Variants in GPD2 observed in about 807,000 individuals in gnomAD.
GPD2 encodes the protein glycerol-3-phosphate dehydrogenase, mitochondrial.
Under a neutral mutation model 82.4 loss-of-function variants are expected in GPD2, and 54 were observed. That is an observed-to-expected ratio of 0.66 (90% CI 0.53 to 0.82). The LOEUF (loss-of-function observed/expected upper bound fraction) is 0.82, where lower values mean the gene tolerates loss of function less well. Among genes scored for constraint, GPD2 ranks in the 40% least tolerant of loss-of-function variants. The pLI is 0.00. For missense variants in GPD2, 748 were observed against 896.2 expected, an observed-to-expected ratio of 0.83 and a Z score of 2.11; for synonymous variants, 288 against 306.1, an observed-to-expected ratio of 0.94 and a Z score of 0.62.
At chr2:156,494,638 G>T (rs565005194) in intron 2 of GPD2, among the ~76,000 whole-genome samples, 2 of 152,124 alleles carry the variant, frequency 1.3e-5, no homozygotes, top group African/African-American at 4.8e-5. Context: ...TCTTGGTAAC[G>T]CCTGAGATTA....
At chr2:156,484,555 G>C (rs1467446593) in intron 2 of GPD2, among the ~76,000 whole-genome samples, 1 of 151,904 alleles carries the variant, frequency 6.6e-6, no homozygotes. Context: ...TTCTTTCCTT[G>C]ATGGCCAGTT....
chr2:156,531,259 T>G (rs1451822786), intron 6 of GPD2, among the ~76,000 whole-genome samples: 2 of 152,088 alleles, frequency 1.3e-5, no homozygotes, highest in Non-Finnish European at 1.5e-5. Context: ...ATCCACAGAT[T>G]GGTGTTAGTG....
At chr2:156,579,233 T>C (rs1687938864) in intron 15 of GPD2, 69 bp downstream of exon 15, 1 of 850,960 alleles carries the variant, frequency 1.2e-6, no homozygotes, top group Admixed American at 1.8e-5. Flanking sequence ...GTTTTTCTCA[T>C]CTAGGGTTTT....
At chr2:156,534,824 C>G (rs1686001725) in intron 6 of GPD2, among the ~76,000 whole-genome samples, 2 of 149,938 alleles carry the variant, frequency 1.3e-5, no homozygotes, top group Admixed American at 1.3e-4. Flanking sequence ...AAAAAAAAAA[C>G]TCTAACAGAG....
chr2:156,405,961 T>A, the GPD2 span, among the ~76,000 whole-genome samples: 1 of 152,078 alleles, frequency 6.6e-6, no homozygotes, highest in Non-Finnish European at 1.5e-5. Context: ...CATAGAAAAG[T>A]GGCCAGGCTT....
Position 156,569,435 on chromosome 2 carries a change from A to G in GPD2, c.1373A>G (p.Lys458Arg). The G allele has an allele frequency of 6.2e-7, 1 of 1,610,712 alleles. No homozygotes were observed. Among genetic ancestry groups the G allele is most frequent in the Non-Finnish European group, 8.5e-7 (1 of 1,177,042 alleles). The stretch of plus-strand genomic sequence containing the variant: ...GCTGCTGTCAAAACTCATAATTTAA[A>G]AGCAGGACCAAGTAGAACAGTTGGG... ...INAAVKTHNL[K>R]AGPSRTVGLF... is the part of the protein sequence containing the mutation. Residue 458 changes from lysine to arginine, a missense_variant, in exon 11 of 17, where the codon AAA becomes AGA. Around this residue, in one of 3 missense-constraint regions of GPD2, gnomAD observed 692 missense variants for 809.7 expected, o/e 0.85. Coordinates refer to ENST00000438166, the MANE Select transcript of GPD2 (RefSeq NM_000408.5).
At chr2:156,402,487 C>T in the GPD2 span, among the ~76,000 whole-genome samples, 3 of 152,082 alleles carry the variant, frequency 2.0e-5, no homozygotes, top group Non-Finnish European at 2.9e-5. Context: ...CTTCTTCTAA[C>T]TTTAGTTTAT....
intron 2 of GPD2, among the ~76,000 whole-genome samples, chr2:156,489,929 C>A: frequency 6.7e-6 from 1 of 149,150 alleles, no homozygotes; most frequent in South Asian, 2.2e-4. Flanking sequence ...CTCCCCTCCC[C>A]TCCTTTCTTC....
intron 15 of GPD2, 105 bp downstream of exon 15, chr2:156,579,269 T>G: frequency 1.4e-6 from 1 of 720,676 alleles, no homozygotes; most frequent in Non-Finnish European, 2.4e-6. Flanking sequence ...TTGTTATAAT[T>G]TTTAAAAGAT....
Position 156,512,401 on chromosome 2 carries a change from C to T in GPD2, c.497+84C>T. ...TTTTAATGGAAATAATCCCTCAATGCATATTTCATAATGTGGTTTTAATTG... is the reference window on the plus strand; with the variant it reads ...TTTTAATGGAAATAATCCCTCAATGTATATTTCATAATGTGGTTTTAATTG... On this transcript the variant is annotated intron_variant, in intron 5 of 16. Transcript: ENST00000438166. 3.9e-6 allele frequency: 3 copies of T among 778,902 alleles called. No individual in the cohort carries two copies. The East Asian group carries it at 7.4e-5, about 19-fold the overall frequency. 48.2% of individuals were successfully genotyped at this position (778,902 alleles called of 1,614,324 possible).
chr2:156,561,040 C>CTT (rs35948070), intron 9 of GPD2, among the ~76,000 whole-genome samples: 488 of 27,612 alleles, frequency 0.018, 84 homozygotes, highest in South Asian at 0.044. Context: ...TGACATTAAG[C>CTT]TTTTTTTTTT....
chr2:156,481,165 C>G (rs1357150414), intron 2 of GPD2, among the ~76,000 whole-genome samples: 1 of 151,624 alleles, frequency 6.6e-6, no homozygotes, highest in East Asian at 1.9e-4. Context: ...ATATTTATTC[C>G]TTTATTTTTG....
chr2:156,400,637 A>G, the GPD2 span, among the ~76,000 whole-genome samples: 2 of 152,232 alleles, frequency 1.3e-5, no homozygotes, highest in South Asian at 2.1e-4. Flanking sequence ...TAGGGTGGGT[A>G]TGGGAAAAGA....
chr2:156,451,634 A>T (rs1163230369), intron 1 of GPD2, among the ~76,000 whole-genome samples: 1 of 120,568 alleles, frequency 8.3e-6, no homozygotes, highest in African/African-American at 3.2e-5. Context: ...ACTTCCCAGT[A>T]GGGGCGGCTG....
intron 13 of GPD2, among the ~76,000 whole-genome samples, chr2:156,576,806 A>G (rs1258383542): frequency 6.6e-6 from 1 of 152,216 alleles, no homozygotes; most frequent in East Asian, 1.9e-4. Flanking sequence ...ATAAGTCGAG[A>G]AAGAAATTGT....
At chr2:156,488,994 G>A (rs765130452) in intron 2 of GPD2, among the ~76,000 whole-genome samples, 2 of 152,224 alleles carry the variant, frequency 1.3e-5, no homozygotes, top group African/African-American at 4.8e-5. Context: ...TAGGAAAAAG[G>A]CAGTTTGTTT....
In GPD2 at chr2:156,550,587, C is replaced by T; in HGVS notation, c.827-15C>T. The T allele has an allele frequency of 6.2e-7, 1 of 1,613,268 alleles. No homozygotes were observed. The highest frequency in any genetic ancestry group is 8.5e-7 in the Non-Finnish European group (1 of 1,179,270). Reference sequence around the variant, plus strand: ...AACAAATGAGGTGTGTGATTGATGCCACTTTCTTTCACAGGGCAGGAATTT... The same window carrying T: ...AACAAATGAGGTGTGTGATTGATGCTACTTTCTTTCACAGGGCAGGAATTT... On this transcript the variant is annotated splice_polypyrimidine_tract_variant and intron_variant, in intron 7 of 16. Transcript: ENST00000438166.
At chr2:156,558,313 C>T (rs939363628) in intron 9 of GPD2, among the ~76,000 whole-genome samples, 19 of 152,124 alleles carry the variant, frequency 1.2e-4, no homozygotes, top group Admixed American at 1.2e-3. Context: ...CATATCCAGT[C>T]TAATGCCTAT....
chr2:156,474,991 G>T (rs527813718), intron 1 of GPD2, among the ~76,000 whole-genome samples: 2 of 151,958 alleles, frequency 1.3e-5, no homozygotes, highest in Admixed American at 6.5e-5. Context: ...ATGCATGGCG[G>T]CATGCACTTG....
Sources: allele counts gnomAD v4.1 joint callset (sites outside exome capture counted in the v4.1 genomes callset), GRCh38; gene constraint gnomAD v4.1.1; regional missense constraint gnomAD v4.1.1; transcripts MANE v1.5; gene names NCBI Gene and HGNC (gene_info 2026-07-23, HGNC 2026-07-21).